TNS1: variants seen among roughly 807,000 people sequenced by gnomAD.
TNS1 encodes tensin-1.
A neutral mutation model predicts 168.6 loss-of-function variants in TNS1; 62 were observed. The observed-to-expected ratio is 0.37, with a 90% CI of 0.30 to 0.45. TNS1 has a LOEUF of 0.45. Ranked by LOEUF, TNS1 falls within the 20% of genes least tolerant of loss-of-function variation. The pLI is 1.00. For synonymous variants in TNS1, 934 were observed against 933.2 expected, an observed-to-expected ratio of 1.00 and a Z score of -0.02; for missense variants, 2,240 against 2,339.4, an observed-to-expected ratio of 0.96 and a Z score of 0.88.
At position 217,848,944 on chromosome 2, in the gene TNS1, G is replaced by A. The variant is rs201008562; in HGVS notation, c.1573C>T (p.Leu525Phe). The A allele has an allele frequency of 2.5e-6, 4 of 1,614,154 alleles. No homozygotes were observed. The African/African-American group carries it at 4.0e-5, about 16-fold the overall frequency. ...SATPNHVEHT[L>F]SVSSDSGNST... ...TTGCCCGAGTCGCTGCTCACAGAAA[G>A]CGTGTGTTCCACGTGGTTGGGGGTG... is the stretch of plus-strand genomic sequence containing the variant. The change falls in exon 19 of 33, where the codon CTT becomes TTT. Residue 525 changes from leucine to phenylalanine, a missense_variant. Physicochemically the swap from Leu to Phe is conservative, Grantham distance 22. Around this residue, in one of 2 missense-constraint regions of TNS1, gnomAD observed 2,131 missense variants for 2,171.2 expected, o/e 0.98. Transcript: ENST00000682258.
In TNS1 at chr2:217,893,575, CATG is replaced by C. The variant is rs765132764; in HGVS notation, c.595-17_595-15del. On this transcript the variant is annotated splice_polypyrimidine_tract_variant and intron_variant, in intron 9 of 32. Transcript: ENST00000682258. ...AAATTCCAGTACCTGTGGCCCAAGC[CATG>C]AGTGAGAAGAGGGCAGAAGCCCTGC... 1 of 1,602,770 alleles carries C rather than the reference CATG, an allele frequency of 6.2e-7. No individual in the cohort carries two copies. Among genetic ancestry groups the C allele is most frequent in the Non-Finnish European group, 8.5e-7 (1 of 1,174,874 alleles).
At position 217,817,896 on chromosome 2, in the gene TNS1, G is replaced by A. The variant is rs761632833; in HGVS notation, c.4436C>T (p.Ala1479Val). ...SPATSPSPDS[A>V]AFRQGSPTPA... is the part of the protein sequence containing the mutation. ...TGTTGGGCTCCCTTGCCGGAAGGCT[G>A]CGGAGTCTGGTGACGGGGAGGTGGC... is the stretch of plus-strand genomic sequence containing the variant. The change falls in exon 24 of 33, where the codon GCA becomes GTA. Residue 1479 changes from alanine to valine, a missense_variant. Around this residue, in one of 2 missense-constraint regions of TNS1, gnomAD observed 2,131 missense variants for 2,171.2 expected, o/e 0.98. Transcript: ENST00000682258. 1.2e-6 allele frequency: 2 copies of A among 1,613,890 alleles called. No homozygotes were observed. The highest frequency in any genetic ancestry group is 2.2e-5 in the East Asian group (1 of 44,890).
rs765850626 is a variant in TNS1, at chr2:217,886,503, G to A, written c.979+31C>T. 7.9e-6 allele frequency: 12 copies of A among 1,518,842 alleles called. No homozygotes were observed. The South Asian group carries it at 1.3e-4, about 17-fold the overall frequency. 94.1% of individuals were successfully genotyped at this position (1,518,842 alleles called of 1,614,324 possible). A position where few individuals can be genotyped will look rare whatever the true frequency, so the allele number is the denominator to read the frequency against. ...GAAGATGAAAGGGAGGAGTTGGCAA[G>A]GGTGGAGGTCAGAGGGCTCAAGGCA... On this transcript the variant is annotated intron_variant, in intron 13 of 32. Coordinates refer to ENST00000682258, the MANE Select transcript of TNS1 (RefSeq NM_001387777.1).
chr2:218,031,120 G>GGGGTCC (rs1958890569), intron 1 of TNS1, among the ~76,000 whole-genome samples: 1 of 105,418 alleles, frequency 9.5e-6, no homozygotes, highest in African/African-American at 5.7e-5. Flanking sequence ...GTGTGTGTGA[G>GGGGTCC]CATGTCTGTG....
intron 3 of TNS1, among the ~76,000 whole-genome samples, chr2:217,945,961 G>A (rs188836835): frequency 5.3e-5 from 8 of 152,190 alleles, no homozygotes; most frequent in African/African-American, 1.7e-4. Context: ...GCAGGTATCC[G>A]GAACAGCAGA....
At position 217,880,955 on chromosome 2, in the gene TNS1, G is replaced by A. The variant is rs769561868; in HGVS notation, c.1372C>T (p.Leu458Phe). 5.6e-6 allele frequency: 9 copies of A among 1,614,108 alleles called. No individual in the cohort carries two copies. Among genetic ancestry groups the A allele is most frequent in the South Asian group, 1.1e-5 (1 of 91,070 alleles). Reference sequence around the variant, plus strand: ...TTGTCGTAGGAGTCCCAGCGGATGAGGGGGTCGGAGGTGTTATAGTCCACA... The same window carrying A: ...TTGTCGTAGGAGTCCCAGCGGATGAAGGGGTCGGAGGTGTTATAGTCCACA... ...VSVDYNTSDP[L>F]IRWDSYDNFS... Residue 458 changes from leucine (L) to phenylalanine (F), a missense_variant, in exon 18 of 33, where the codon CTC (leucine) becomes TTC (phenylalanine). Coordinates refer to ENST00000682258, the MANE Select transcript of TNS1 (RefSeq NM_001387777.1). The surrounding 1 kb of genome is among the most constrained non-coding windows in gnomAD (Gnocchi z 4.2).
rs373291855 is a variant in TNS1, at chr2:217,840,950, T to C, written c.3008-4739A>G. Among the ~76,000 whole-genome samples the C allele has an allele frequency of 2.5e-4, 38 of 151,654 alleles. 1 individual carries two copies. In the East Asian group the frequency reaches 7.4e-3, roughly 29 times the overall value. On this transcript the variant is annotated intron_variant, in intron 19 of 32. Transcript: ENST00000682258. The stretch of plus-strand genomic sequence containing the variant: ...CATGCAGACAGGAGGGAGAGAGGGC[T>C]GGAGAGAGGAGGGATGGAGAAGTAA...
chr2:217,805,525 C>CCACCA (rs1559132185), intron 32 of TNS1, among the ~76,000 whole-genome samples: 13 of 1,718 alleles, frequency 7.6e-3, no homozygotes, highest in Non-Finnish European at 0.011. Context: ...ACCACACACA[C>CCACCA]CACACACACC....
intron 3 of TNS1, among the ~76,000 whole-genome samples, chr2:217,946,670 T>C (rs1384452356): frequency 6.6e-6 from 1 of 152,062 alleles, no homozygotes; most frequent in Non-Finnish European, 1.5e-5. Context: ...CGGGGCGACC[T>C]GGAAGACCCC....
chr2:217,904,052 G>C (rs1266128867), intron 6 of TNS1, among the ~76,000 whole-genome samples: 1 of 152,190 alleles, frequency 6.6e-6, no homozygotes, highest in Non-Finnish European at 1.5e-5. Flanking sequence ...GCGAACACCA[G>C]GGGCCTTGTC....
chr2:218,021,384 G>T (rs1958805054), intron 1 of TNS1, among the ~76,000 whole-genome samples: 1 of 152,264 alleles, frequency 6.6e-6, no homozygotes, highest in Non-Finnish European at 1.5e-5. Context: ...CATGGACCCA[G>T]CAGAGATTGC....
At chr2:217,970,076 G>A (rs1248899541) in intron 3 of TNS1, among the ~76,000 whole-genome samples, 2 of 152,118 alleles carry the variant, frequency 1.3e-5, no homozygotes, top group African/African-American at 2.4e-5. Context: ...AGGCCACCAC[G>A]TGAAGACAGA....
intron 18 of TNS1, chr2:217,849,947 C>G (rs1250829075): frequency 1.1e-5 from 11 of 984,732 alleles, no homozygotes; most frequent in Middle Eastern, 5.2e-4. Flanking sequence ...GTCTCCAGCT[C>G]AATGCAAAGG....
intron 19 of TNS1, among the ~76,000 whole-genome samples, chr2:217,843,392 A>C (rs1437145088): frequency 3.3e-5 from 5 of 151,360 alleles, no homozygotes; most frequent in African/African-American, 1.2e-4. Context: ...CCTCTTCTAC[A>C]TACAAACATT....
intron 4 of TNS1, among the ~76,000 whole-genome samples, chr2:217,916,498 A>T (rs1228322646): frequency 2.6e-5 from 4 of 152,072 alleles, no homozygotes; most frequent in Non-Finnish European, 5.9e-5. Flanking sequence ...AATTCTTTTG[A>T]CTTATTTTTC....
intron 7 of TNS1, among the ~76,000 whole-genome samples, chr2:217,898,840 T>A (rs904402515): frequency 4.6e-5 from 7 of 152,070 alleles, no homozygotes; most frequent in African/African-American, 1.7e-4. Context: ...CTCTCCCAAC[T>A]TTTCTTCCAG....
intron 6 of TNS1, chr2:217,903,876 C>T (rs902727375): frequency 2.6e-5 from 12 of 466,362 alleles, no homozygotes; most frequent in Admixed American, 7.7e-5. Flanking sequence ...GCAAGGAGCA[C>T]GAACCTCCAG....
chr2:217,821,242 C>A (rs1035203730), intron 23 of TNS1, among the ~76,000 whole-genome samples: 2 of 152,172 alleles, frequency 1.3e-5, no homozygotes, highest in Non-Finnish European at 2.9e-5. Flanking sequence ...TCACACGCTT[C>A]CACCTGAATC....
chr2:217,852,428 G>A (rs564807884), intron 18 of TNS1, among the ~76,000 whole-genome samples: 3 of 152,158 alleles, frequency 2.0e-5, no homozygotes, highest in African/African-American at 4.8e-5. Context: ...CATCCCCCAC[G>A]TTCATGCTCA....
Sources: gnomAD v4.1 joint callset for allele counts (sites outside exome capture counted in the v4.1 genomes callset) on GRCh38, gnomAD v4.1.1 for gene constraint, gnomAD v4.1.1 regional missense constraint, Gnocchi (gnomAD v3.1) non-coding constraint, MANE v1.5 for transcripts, NCBI Gene and HGNC (gene_info 2026-07-23, HGNC 2026-07-21) for gene names.